ZFHX4: variants seen among roughly 807,000 people sequenced by gnomAD.
ZFHX4 encodes the protein zinc finger homeobox 4, also known as zinc finger homeobox protein 4.
Under a neutral mutation model 267.6 loss-of-function variants are expected in ZFHX4, and 56 were observed. That is an observed-to-expected ratio of 0.21 (90% confidence interval 0.17 to 0.26). ZFHX4 has a LOEUF of 0.26. Among genes scored for constraint, ZFHX4 ranks in the 10% least tolerant of loss-of-function variants. The pLI is 1.00. For synonymous variants in ZFHX4, 1,778 were observed against 1,665.6 expected (o/e 1.07, Z -1.64); for missense variants, 4,332 against 4,420.0 (o/e 0.98, Z 0.56).
rs1812501269 is a variant in ZFHX4, at chr8:76,850,990, G to A, written c.4069G>A (p.Val1357Ile). 2 of 1,613,858 alleles carry A rather than the reference G, an allele frequency of 1.2e-6. No individual in the cohort carries two copies. Among genetic ancestry groups the A allele is most frequent in the Non-Finnish European group, 1.7e-6 (2 of 1,179,844 alleles). Reference sequence around the variant, plus strand: ...GAAACCGACTAAAGAACCCTTGGAAGTCTCAGAATGGAATAAAAATAGCAG... The same window carrying A: ...GAAACCGACTAAAGAACCCTTGGAAATCTCAGAATGGAATAAAAATAGCAG... Reference protein sequence around the residue: ...EQKPTKEPLEVSEWNKNSSKD... With the variant: ...EQKPTKEPLEISEWNKNSSKD... The change falls in exon 10 of 11, where the codon GTC (valine) becomes ATC (isoleucine). Residue 1357 changes from valine to isoleucine, a missense_variant. Around this residue, in one of 7 missense-constraint regions of ZFHX4, gnomAD observed 1,371 missense variants for 1,423.1 expected, o/e 0.96. Transcript: ENST00000651372.
chr8:76,819,967 C>T (rs2131862058), intron 4 of ZFHX4, among the ~76,000 whole-genome samples: 1 of 152,238 alleles, frequency 6.6e-6, no homozygotes, highest in Non-Finnish European at 1.5e-5. Context: ...AAGTGAGGAT[C>T]AGAGTAAAGA....
intron 4 of ZFHX4, among the ~76,000 whole-genome samples, chr8:76,807,851 A>G (rs1213884574): frequency 1.3e-5 from 2 of 152,174 alleles, no homozygotes; most frequent in Non-Finnish European, 2.9e-5. Flanking sequence ...ATTTTGAAAT[A>G]CATGTATAAA....
chr8:76,754,417 A>T (rs962348423), intron 3 of ZFHX4, among the ~76,000 whole-genome samples: 8 of 152,056 alleles, frequency 5.3e-5, no homozygotes, highest in Non-Finnish European at 4.4e-5. Context: ...TGAGACCAAG[A>T]GGTGGTGGTT....
chr8:76,749,462 CT>C (rs942570381), intron 3 of ZFHX4, among the ~76,000 whole-genome samples: 3 of 152,086 alleles, frequency 2.0e-5, no homozygotes, highest in African/African-American at 7.2e-5. Flanking sequence ...GTTCATTTTT[CT>C]TGATGAGATG....
chr8:76,849,028 G>C lies in ZFHX4; in HGVS notation c.3545G>C (p.Ser1182Thr). ...ACACCAGAGAAGGAACTAAAAGTTA[G>C]TGTGGCAGGGGGTACCCAGCCACTC... Reference protein sequence around the residue: ...IITPEKELKVSVAGGTQPLLL... With the variant: ...IITPEKELKVTVAGGTQPLLL... The change falls in exon 7 of 11, where the codon AGT becomes ACT. Residue 1182 changes from serine (S) to threonine (T), a missense_variant. Coordinates refer to ENST00000651372, the MANE Select transcript of ZFHX4 (RefSeq NM_024721.5). The C allele has an allele frequency of 6.4e-7, 1 of 1,557,492 alleles. No homozygotes were observed. Among genetic ancestry groups the C allele is most frequent in the Non-Finnish European group, 8.7e-7 (1 of 1,150,900 alleles).
chr8:76,843,938 G>A (rs939769776), intron 6 of ZFHX4, among the ~76,000 whole-genome samples: 1 of 152,030 alleles, frequency 6.6e-6, no homozygotes, highest in Admixed American at 6.6e-5. Flanking sequence ...CTTTCAGGAG[G>A]CCAGTGAGAA....
At chr8:76,759,326 A>G (rs1303156577) in intron 3 of ZFHX4, among the ~76,000 whole-genome samples, 1 of 152,340 alleles carries the variant, frequency 6.6e-6, no homozygotes, top group East Asian at 1.9e-4. Flanking sequence ...CTTGGTCTTA[A>G]TCATTACTCA....
rs1190121811 is a variant in ZFHX4, at chr8:76,708,064, C to T, written c.3093+16C>T. 7 of 1,611,756 alleles carry T rather than the reference C, an allele frequency of 4.3e-6. No individual in the cohort carries two copies. The highest frequency in any genetic ancestry group is 5.1e-6 in the Non-Finnish European group (6 of 1,179,848). On this transcript the variant is annotated intron_variant, in intron 3 of 10. Coordinates refer to ENST00000651372, the MANE Select transcript of ZFHX4 (RefSeq NM_024721.5). Reference sequence around the variant, plus strand: ...GCTCTACAAGGTAAGCAGTGACATCCATTTCCGTTGGCACAGAGTAGAAAA... The same window carrying T: ...GCTCTACAAGGTAAGCAGTGACATCTATTTCCGTTGGCACAGAGTAGAAAA...
Position 76,854,624 on chromosome 8 carries a change from C to T in ZFHX4, c.7703C>T (p.Thr2568Ile). The T allele has an allele frequency of 6.2e-7, 1 of 1,613,782 alleles. No homozygotes were observed. The highest frequency in any genetic ancestry group is 8.5e-7 in the Non-Finnish European group (1 of 1,179,884). Residue 2568 changes from threonine (T) to isoleucine (I), a missense_variant, in exon 10 of 11, where the codon ACC becomes ATC. This residue lies in a region of ZFHX4 where 1,648 missense variants were observed against 1,625.0 expected (regional missense o/e 1.01). Transcript: ENST00000651372. Reference sequence around the variant, plus strand: ...CCCCCTCAGGCCAGTTCCTCCCACACCACAGCCCCCACAACGGTTGCTGCT... The same window carrying T: ...CCCCCTCAGGCCAGTTCCTCCCACATCACAGCCCCCACAACGGTTGCTGCT... ...QMPPQASSSH[T>I]TAPTTVAASL...
chr8:76,804,243 G>T (rs1054977468), intron 4 of ZFHX4, among the ~76,000 whole-genome samples: 5 of 152,054 alleles, frequency 3.3e-5, no homozygotes, highest in Admixed American at 1.3e-4. Context: ...CTTTTCCACC[G>T]TAGAGTTGAG....
intron 3 of ZFHX4, among the ~76,000 whole-genome samples, chr8:76,739,720 G>T (rs1292444886): frequency 6.6e-6 from 1 of 152,186 alleles, no homozygotes; most frequent in Middle Eastern, 3.4e-3. Context: ...TGCCTATCAC[G>T]AGTAAATGGA....
rs922582279 is a variant in ZFHX4, at chr8:76,703,957, C to A, written c.-46-86C>A. ...TTACCTTTTTAGATAGTCACGTTTA[C>A]AGCAGCTGTAAATTAGTGATGGGCT... is the stretch of plus-strand genomic sequence containing the variant. On this transcript the variant is annotated intron_variant, in intron 1 of 10. Coordinates refer to ENST00000651372, the MANE Select transcript of ZFHX4 (RefSeq NM_024721.5). The A allele has an allele frequency of 7.3e-6, 7 of 959,564 alleles. No individual in the cohort carries two copies. The Middle Eastern group carries it at 8.7e-4, about 120-fold the overall frequency. The allele number at this position is 959,564 out of a possible 1,614,324, so 59.4% of individuals were successfully genotyped here. A position where few individuals can be genotyped will look rare whatever the true frequency, so the allele number is the denominator to read the frequency against.
intron 3 of ZFHX4, among the ~76,000 whole-genome samples, chr8:76,750,713 CA>C (rs1392027609): frequency 6.6e-6 from 1 of 151,956 alleles, no homozygotes; most frequent in Admixed American, 6.6e-5. Flanking sequence ...CATAGTTCTT[CA>C]ACAAGTTTTT....
At chr8:76,738,225 C>T (rs1809216463) in intron 3 of ZFHX4, among the ~76,000 whole-genome samples, 1 of 152,188 alleles carries the variant, frequency 6.6e-6, no homozygotes, top group South Asian at 2.1e-4. Flanking sequence ...CCCCTGAACC[C>T]TAGGTGCCCC....
In ZFHX4 at chr8:76,707,721, G is replaced by C; in HGVS notation, c.2766G>C (p.Val922=). The change falls in exon 3 of 11, where the codon GTG becomes GTC. Residue 922 remains valine, a synonymous_variant. Coordinates refer to ENST00000651372, the MANE Select transcript of ZFHX4 (RefSeq NM_024721.5). ...CTGACAGCCTGGAGGCCCTAAGTGT[G>C]CATGTGAGCAGTGAGCGCTCTCTCC... The part of the protein sequence containing the change: ...FTSDSLEALS[V]HVSSERSLPE... 6.2e-7 allele frequency: 1 copy of C among 1,613,872 alleles called. No homozygotes were observed. Among genetic ancestry groups the C allele is most frequent in the Non-Finnish European group, 8.5e-7 (1 of 1,179,882 alleles).
At chr8:76,821,379 G>A (rs1387946672) in intron 4 of ZFHX4, among the ~76,000 whole-genome samples, 1 of 152,048 alleles carries the variant, frequency 6.6e-6, no homozygotes, top group Non-Finnish European at 1.5e-5. Flanking sequence ...CGTTCAGGAG[G>A]TGTTTGCACT....
chr8:76,759,656 T>G (rs1466402025), intron 3 of ZFHX4, among the ~76,000 whole-genome samples: 1 of 152,236 alleles, frequency 6.6e-6, no homozygotes. Flanking sequence ...GGAAATACAT[T>G]TAAATGATTA....
At position 76,707,686 on chromosome 8, in the gene ZFHX4, A is replaced by G; in HGVS notation, c.2731A>G (p.Lys911Glu). ...LKLFQCAVCNKFTSDSLEALS... is the reference protein window; with the variant it reads ...LKLFQCAVCNEFTSDSLEALS... ...GCTATTCCAGTGTGCTGTTTGCAAC[A>G]AATTCACCTCTGACAGCCTGGAGGC... The change falls in exon 3 of 11, where the codon AAA (lysine) becomes GAA (glutamate). Residue 911 changes from lysine to glutamate, a missense_variant. This residue lies in a region of ZFHX4 where 1,195 missense variants were observed against 1,173.6 expected (regional missense o/e 1.02). Transcript: ENST00000651372. The G allele has an allele frequency of 1.9e-6, 3 of 1,613,918 alleles. No individual in the cohort carries two copies. Among genetic ancestry groups the G allele is most frequent in the Non-Finnish European group, 2.5e-6 (3 of 1,179,882 alleles).
chr8:76,786,443 T>C (rs1426417852), intron 4 of ZFHX4, among the ~76,000 whole-genome samples: 1 of 151,444 alleles, frequency 6.6e-6, no homozygotes, highest in East Asian at 1.9e-4. Context: ...AAGGAGATTA[T>C]CTGAGTTTAT....
Sources: allele counts gnomAD v4.1 joint callset (sites outside exome capture counted in the v4.1 genomes callset), GRCh38; gene constraint gnomAD v4.1.1; regional missense constraint gnomAD v4.1.1; transcripts MANE v1.5; gene names NCBI Gene and HGNC (gene_info 2026-07-23, HGNC 2026-07-21).